Variants in P2RY6 observed in about 807,000 individuals in gnomAD.
P2RY6 encodes the protein pyrimidinergic receptor P2Y6.
Under a neutral mutation model 16.3 loss-of-function variants are expected in P2RY6, and 19 were observed. That is an observed-to-expected ratio of 1.16 (90% confidence interval 0.81 to 1.71). The LOEUF is 1.71. Among genes scored for constraint, P2RY6 ranks in the 40% most tolerant of loss-of-function variants. The pLI is 0.00. For synonymous variants in P2RY6, 184 were observed against 201.5 expected, an observed-to-expected ratio of 0.91 and a Z score of 0.74; for missense variants, 389 against 455.5, an observed-to-expected ratio of 0.85 and a Z score of 1.33.
Position 73,296,931 on chromosome 11 carries a change from G to T in P2RY6, c.413G>T (p.Arg138Leu), listed in dbSNP as rs779908841. The change falls in exon 3 of 3, where the codon CGT (arginine) becomes CTT (leucine). Residue 138 changes from arginine to leucine, a missense_variant. Transcript: ENST00000540124. ...ICHPLAPWHK[R>L]GGRRAAWLVC... Reference sequence around the variant, plus strand: ...CACCCGCTGGCCCCCTGGCACAAACGTGGGGGCCGCCGGGCTGCCTGGCTA... The same window carrying T: ...CACCCGCTGGCCCCCTGGCACAAACTTGGGGGCCGCCGGGCTGCCTGGCTA... 2 of 1,607,488 alleles carry T rather than the reference G, an allele frequency of 1.2e-6. No individual in the cohort carries two copies. The highest frequency in any genetic ancestry group is 1.7e-5 in the Admixed American group (1 of 60,024).
chr11:73,281,697 T>C (rs930910352), intron 1 of P2RY6, among the ~76,000 whole-genome samples: 5 of 152,208 alleles, frequency 3.3e-5, no homozygotes, highest in Non-Finnish European at 5.9e-5. Flanking sequence ...GGGAACCAGG[T>C]ACTCTGTCTC....
chr11:73,294,917 T>C (rs1352987434), intron 1 of P2RY6, among the ~76,000 whole-genome samples: 1 of 152,104 alleles, frequency 6.6e-6, no homozygotes, highest in Admixed American at 6.6e-5. Context: ...ACAGAGCTCA[T>C]CCATGGCATA....
upstream of P2RY6, chr11:73,269,790 A>C (rs892580667): frequency 5.9e-5 from 9 of 152,180 alleles, no homozygotes; most frequent in Admixed American, 2.6e-4. Flanking sequence ...GGTGGCTCTC[A>C]AGGCTACCTC....
chr11:73,287,408 T>C (rs1185799460), intron 1 of P2RY6, among the ~76,000 whole-genome samples: 1 of 152,140 alleles, frequency 6.6e-6, no homozygotes, highest in Non-Finnish European at 1.5e-5. Flanking sequence ...TAGGCTTAGA[T>C]CACAGACCCA....
intron 1 of P2RY6, among the ~76,000 whole-genome samples, chr11:73,286,312 G>A (rs1390622770): frequency 1.3e-5 from 2 of 152,166 alleles, no homozygotes; most frequent in South Asian, 4.1e-4. Flanking sequence ...TCACGGGAGG[G>A]GAGGAGTTCC....
intron 1 of P2RY6, among the ~76,000 whole-genome samples, chr11:73,281,424 G>A (rs771092921): frequency 3.3e-5 from 5 of 152,230 alleles, no homozygotes; most frequent in African/African-American, 4.8e-5. Context: ...GCAGGGTGGG[G>A]CCCAGGGTCC....
chr11:73,285,621 C>T lies in P2RY6; in HGVS notation c.-120-10109C>T, dbSNP rs368141959. 3.9e-5 allele frequency among the ~76,000 whole-genome samples: 6 copies of T among 152,300 alleles called. No individual in the cohort carries two copies. In the East Asian group the frequency reaches 7.7e-4, roughly 20 times the overall value. On this transcript the variant is annotated intron_variant, in intron 1 of 2. Coordinates refer to ENST00000540124, the MANE Select transcript of P2RY6 (RefSeq NM_001277204.2). The stretch of plus-strand genomic sequence containing the variant: ...TGGAAGATCACTGACGGATTGGTGG[C>T]CCTGGCAAGTAACTAAGCTGTTGGG...
rs1198217902 is a variant in P2RY6 at position 73,272,431 on chromosome 11, T to G, written c.-156T>G. On this transcript the variant is annotated 5_prime_UTR_variant, in exon 1 of 3. Transcript: ENST00000540124. ...ACGAGTGGGAATTTGCTCCAGCACT[T>G]CACGGACTGCAAGCGAGGCACTTGC... 1 of 985,162 alleles carries G rather than the reference T, an allele frequency of 1.0e-6. No homozygotes were observed. Among genetic ancestry groups the G allele is most frequent in the Admixed American group, 6.2e-5 (1 of 16,248 alleles). The allele number at this position is 985,162 out of a possible 1,614,324, so 61.0% of individuals were successfully genotyped here. A position where few individuals can be genotyped will look rare whatever the true frequency, so the allele number is the denominator to read the frequency against.
intron 1 of P2RY6, among the ~76,000 whole-genome samples, chr11:73,283,400 C>T (rs1270205243): frequency 6.6e-6 from 1 of 152,182 alleles, no homozygotes; most frequent in Non-Finnish European, 1.5e-5. Context: ...CCTGGAGGTG[C>T]CCCTGCCGGC....
intron 1 of P2RY6, among the ~76,000 whole-genome samples, chr11:73,278,481 G>T (rs1863632926): frequency 6.6e-6 from 1 of 152,078 alleles, no homozygotes; most frequent in Non-Finnish European, 1.5e-5. Flanking sequence ...ACTTTTTAAA[G>T]TCATCCACTG....
chr11:73,285,266 C>A (rs908193144), intron 1 of P2RY6, among the ~76,000 whole-genome samples: 13 of 152,186 alleles, frequency 8.5e-5, no homozygotes, highest in Non-Finnish European at 1.8e-4. Flanking sequence ...TAGAGACAGG[C>A]TTTCTCTATG....
chr11:73,271,236 G>A (rs895425699), upstream of P2RY6, among the ~76,000 whole-genome samples: 1 of 152,162 alleles, frequency 6.6e-6, no homozygotes, highest in African/African-American at 2.4e-5. Context: ...ATGGATTGGC[G>A]CTGGGGAGGG....
At chr11:73,271,552 G>A (rs746032977), upstream of P2RY6, 1 of 152,146 alleles carries the variant, frequency 6.6e-6, no homozygotes, top group Non-Finnish European at 1.5e-5. Flanking sequence ...AGAACAGAAC[G>A]GGAGGTTTCA....
intron 1 of P2RY6, among the ~76,000 whole-genome samples, chr11:73,276,356 CT>C (rs1371388934): frequency 6.6e-6 from 1 of 152,224 alleles, no homozygotes; most frequent in Non-Finnish European, 1.5e-5. Flanking sequence ...ATATGACCCC[CT>C]GGTTCCATTC....
intron 1 of P2RY6, among the ~76,000 whole-genome samples, chr11:73,274,906 G>C (rs1348489558): frequency 3.9e-5 from 6 of 152,250 alleles, no homozygotes; most frequent in Non-Finnish European, 8.8e-5. Context: ...AGGCTGGGGT[G>C]GGGATCCGGC....
chr11:73,279,960 G>A (rs189583371), intron 1 of P2RY6, among the ~76,000 whole-genome samples: 41 of 152,310 alleles, frequency 2.7e-4, no homozygotes, highest in African/African-American at 9.6e-4. Context: ...CCTGTGAGGG[G>A]CCTGGGAGAA....
intron 1 of P2RY6, among the ~76,000 whole-genome samples, chr11:73,290,282 G>A (rs777054852): frequency 1.1e-5 from 1 of 90,192 alleles, no homozygotes; most frequent in Non-Finnish European, 2.3e-5. Context: ...AGAAAGGAAG[G>A]AAAGAAAGAA....
At chr11:73,278,967 A>G (rs1863649989) in intron 1 of P2RY6, among the ~76,000 whole-genome samples, 1 of 150,570 alleles carries the variant, frequency 6.6e-6, no homozygotes, top group African/African-American at 2.4e-5. Flanking sequence ...AGACCACATC[A>G]TTTTACATTT....
intron 1 of P2RY6, among the ~76,000 whole-genome samples, chr11:73,283,883 C>T (rs916530083): frequency 2.0e-5 from 3 of 151,970 alleles, no homozygotes; most frequent in African/African-American, 7.3e-5. Flanking sequence ...AGTGTTTGGG[C>T]TGAGGGGAAG....
Sources: allele counts gnomAD v4.1 joint callset (sites outside exome capture counted in the v4.1 genomes callset), GRCh38; gene constraint gnomAD v4.1.1; transcripts MANE v1.5; gene names NCBI Gene and HGNC (gene_info 2026-07-23, HGNC 2026-07-21).